ANKRD29: variants seen among roughly 807,000 people sequenced by gnomAD.
The protein encoded by ANKRD29 is ankyrin repeat domain-containing protein 29.
Under a neutral mutation model 38.0 loss-of-function variants are expected in ANKRD29, and 32 were observed. The ratio of observed to expected loss-of-function variants is 0.84; its 90% CI spans 0.64 to 1.13. ANKRD29 has a LOEUF of 1.13. ANKRD29 is among the 50% of genes most tolerant of loss of function. The pLI, the probability that ANKRD29 is intolerant of heterozygous loss-of-function variation, is 0.00. For synonymous variants in ANKRD29, 135 were observed against 152.4 expected (o/e 0.89, Z 0.84); for missense variants, 357 against 377.9 (o/e 0.94, Z 0.46).
chr18:23,621,472 T>G (rs1599087969), intron 6 of ANKRD29, among the ~76,000 whole-genome samples: 1 of 117,630 alleles, frequency 8.5e-6, no homozygotes, highest in East Asian at 2.1e-4. Context: ...GTGGAAGAGG[T>G]GCTGAAACAA....
intron 9 of ANKRD29, among the ~76,000 whole-genome samples, chr18:23,606,320 G>A (rs1408828569): frequency 6.6e-6 from 1 of 152,122 alleles, no homozygotes; most frequent in Admixed American, 6.5e-5. Context: ...AGGTCTTGCT[G>A]TATGGCCCAT....
chr18:23,646,426 A>C (rs1487224944), intron 2 of ANKRD29, 139 bp from the exon 3 acceptor site: 3 of 598,718 alleles, frequency 5.0e-6, no homozygotes, highest in Non-Finnish European at 8.6e-6. Context: ...AAAAGTGGTC[A>C]TGAATAATCT....
intron 6 of ANKRD29, among the ~76,000 whole-genome samples, chr18:23,620,472 T>C (rs1228991183): frequency 6.6e-6 from 1 of 151,998 alleles, no homozygotes; most frequent in Non-Finnish European, 1.5e-5. Context: ...AGTAGGGTGG[T>C]TCCCAGCAGA....
chr18:23,632,311 C>A (rs1261821974), intron 5 of ANKRD29, among the ~76,000 whole-genome samples: 1 of 151,832 alleles, frequency 6.6e-6, no homozygotes, highest in Non-Finnish European at 1.5e-5. Context: ...TTTCACTGTG[C>A]ATTCCAAGTT....
At chr18:23,623,777 G>T (rs2059825461) in intron 6 of ANKRD29, among the ~76,000 whole-genome samples, 1 of 151,796 alleles carries the variant, frequency 6.6e-6, no homozygotes, top group South Asian at 2.1e-4. Context: ...CGAGTAGCTG[G>T]GACTACAGGT....
intron 1 of ANKRD29, among the ~76,000 whole-genome samples, chr18:23,651,307 T>C (rs2060208301): frequency 3.3e-5 from 5 of 152,250 alleles, no homozygotes; most frequent in Admixed American, 3.3e-4. Flanking sequence ...CCTGACCGTG[T>C]AAATTTTGCT....
intron 2 of ANKRD29, 175 bp downstream of exon 2, chr18:23,648,907 TC>T (rs2060174471): frequency 3.8e-6 from 2 of 526,262 alleles, no homozygotes; most frequent in Non-Finnish European, 6.6e-6. Context: ...CTTTCTGACT[TC>T]CCCCAGCATG....
chr18:23,622,884 A>G (rs1320702708), intron 6 of ANKRD29, among the ~76,000 whole-genome samples: 1 of 152,174 alleles, frequency 6.6e-6, no homozygotes, highest in Non-Finnish European at 1.5e-5. Context: ...TATTATTATC[A>G]ATTTAGAACA....
At chr18:23,619,081 G>C (rs969443285) in intron 7 of ANKRD29, among the ~76,000 whole-genome samples, 1 of 152,252 alleles carries the variant, frequency 6.6e-6, no homozygotes, top group African/African-American at 2.4e-5. Context: ...CACAAAGGCA[G>C]TATTAGGTGG....
At chr18:23,630,620 C>A (rs551830699) in intron 5 of ANKRD29, among the ~76,000 whole-genome samples, 44 of 151,726 alleles carry the variant, frequency 2.9e-4, no homozygotes, top group African/African-American at 9.4e-4. Context: ...GACTCTGTCT[C>A]AAAATAAATA....
At chr18:23,619,056 G>C (rs879586476) in intron 7 of ANKRD29, among the ~76,000 whole-genome samples, 20 of 152,214 alleles carry the variant, frequency 1.3e-4, no homozygotes, top group Non-Finnish European at 2.5e-4. Flanking sequence ...GGGGAAAAGG[G>C]CCTGCTGTGC....
intron 8 of ANKRD29, among the ~76,000 whole-genome samples, chr18:23,617,037 G>C (rs961168994): frequency 9.9e-5 from 15 of 151,894 alleles, no homozygotes; most frequent in Non-Finnish European, 2.1e-4. Flanking sequence ...TGGCCAATAT[G>C]GTGAAACCCC....
intron 4 of ANKRD29, 145 bp downstream of exon 4, chr18:23,638,704 A>G: frequency 1.5e-6 from 1 of 659,264 alleles, no homozygotes; most frequent in Non-Finnish European, 2.5e-6. Context: ...AACCACTACA[A>G]GTAACCTTGA....
chr18:23,605,169 C>T (rs998912154), intron 9 of ANKRD29, among the ~76,000 whole-genome samples: 2 of 152,140 alleles, frequency 1.3e-5, no homozygotes, highest in African/African-American at 4.8e-5. Context: ...GATCCACTCG[C>T]CTTAACCTCC....
At chr18:23,657,297 G>A (rs933490441) in intron 1 of ANKRD29, among the ~76,000 whole-genome samples, 26 of 152,180 alleles carry the variant, frequency 1.7e-4, no homozygotes, top group African/African-American at 5.6e-4. Context: ...CCCAACGGGA[G>A]AGGTTTCCTT....
At chr18:23,629,260 T>C (rs2059899793) in intron 6 of ANKRD29, among the ~76,000 whole-genome samples, 1 of 152,262 alleles carries the variant, frequency 6.6e-6, no homozygotes, top group African/African-American at 2.4e-5. Context: ...GCTGGGATTA[T>C]AGGCATGAGC....
intron 9 of ANKRD29, among the ~76,000 whole-genome samples, chr18:23,602,048 G>GT (rs912360444): frequency 1.1e-4 from 16 of 147,644 alleles, no homozygotes; most frequent in South Asian, 4.3e-4. Flanking sequence ...CTTTTTTTTT[G>GT]TTTTTTGAGA....
intron 1 of ANKRD29, among the ~76,000 whole-genome samples, chr18:23,654,755 T>C (rs1184382945): frequency 6.6e-6 from 1 of 152,094 alleles, no homozygotes; most frequent in African/African-American, 2.4e-5. Context: ...ACTTGCCCCC[T>C]TCCATTTACT....
At chr18:23,656,858 T>G (rs1043087997) in intron 1 of ANKRD29, among the ~76,000 whole-genome samples, 3 of 152,190 alleles carry the variant, frequency 2.0e-5, no homozygotes, top group African/African-American at 7.2e-5. Context: ...GGACAGACCT[T>G]CCCTCTGTGC....
Sources: gnomAD v4.1 joint callset for allele counts (sites outside exome capture counted in the v4.1 genomes callset) on GRCh38, gnomAD v4.1.1 for gene constraint, MANE v1.5 for transcripts, NCBI Gene and HGNC (gene_info 2026-07-23, HGNC 2026-07-21) for gene names.